RBM47: variants seen among roughly 807,000 people sequenced by gnomAD.
The protein encoded by RBM47 is RNA binding motif protein 47.
Under a neutral mutation model 47.1 loss-of-function variants are expected in RBM47, and 21 were observed. The observed-to-expected ratio is 0.45, with a 90% CI of 0.32 to 0.64. RBM47 has a LOEUF of 0.64. Ranked by LOEUF, RBM47 falls within the 30% of genes least tolerant of loss-of-function variation. RBM47 has a pLI of 0.05. For synonymous variants in RBM47, 375 were observed against 361.7 expected (o/e 1.04, Z -0.42); for missense variants, 708 against 870.9 (o/e 0.81, Z 2.35).
chr4:40,593,267 G>T (rs1012064497), intron 1 of RBM47, among the ~76,000 whole-genome samples: 1 of 150,612 alleles, frequency 6.6e-6, no homozygotes, highest in African/African-American at 2.4e-5. Context: ...CAAAGTGCTG[G>T]GATTACAGGC....
intron 1 of RBM47, among the ~76,000 whole-genome samples, chr4:40,593,486 T>G (rs918274032): frequency 3.9e-5 from 6 of 152,066 alleles, no homozygotes; most frequent in African/African-American, 1.2e-4. Context: ...TAGAAAATCA[T>G]TTTTCTCGGG....
At chr4:40,590,868 T>C (rs962764614) in intron 1 of RBM47, among the ~76,000 whole-genome samples, 6 of 152,172 alleles carry the variant, frequency 3.9e-5, no homozygotes, top group Non-Finnish European at 7.3e-5. Flanking sequence ...AGTGGTGCGA[T>C]CTTGGCTCGC....
intron 1 of RBM47, among the ~76,000 whole-genome samples, chr4:40,590,510 C>A (rs941609626): frequency 2.0e-5 from 3 of 152,196 alleles, no homozygotes; most frequent in African/African-American, 7.2e-5. Context: ...AACCTCTCAT[C>A]TTGGACCCCA....
At chr4:40,607,449 G>A (rs1037427353) in intron 1 of RBM47, among the ~76,000 whole-genome samples, 2 of 152,188 alleles carry the variant, frequency 1.3e-5, no homozygotes, top group African/African-American at 2.4e-5. Context: ...ATTCATGCCT[G>A]TAATCCCAGC....
intron 5 of RBM47, among the ~76,000 whole-genome samples, chr4:40,434,946 T>C (rs919908981): frequency 2.0e-4 from 31 of 151,910 alleles, no homozygotes; most frequent in Admixed American, 2.0e-3. Context: ...TGGAGGAGGG[T>C]CGTGCCAATT....
chr4:40,509,739 C>G (rs181223694), intron 2 of RBM47, among the ~76,000 whole-genome samples: 5,332 of 147,582 alleles, frequency 0.036, 114 homozygotes, highest in Non-Finnish European at 0.053. Context: ...AAAAAAAATT[C>G]TCCAGGCGTG....
At chr4:40,557,755 A>G (rs1394333454) in intron 1 of RBM47, among the ~76,000 whole-genome samples, 2 of 152,192 alleles carry the variant, frequency 1.3e-5, no homozygotes, top group African/African-American at 4.8e-5. Flanking sequence ...ACCTTAAAAA[A>G]AAAAATTGTT....
intron 3 of RBM47, among the ~76,000 whole-genome samples, chr4:40,460,632 G>A (rs997523769): frequency 6.6e-6 from 1 of 151,976 alleles, no homozygotes; most frequent in Non-Finnish European, 1.5e-5. Context: ...GTGAGATTGT[G>A]CCACTGCACT....
chr4:40,541,814 C>CA (rs1728574638), intron 2 of RBM47, among the ~76,000 whole-genome samples: 1 of 152,168 alleles, frequency 6.6e-6, no homozygotes, highest in Non-Finnish European at 1.5e-5. Context: ...CTCACACGTT[C>CA]AAAGCACAAG....
At chr4:40,608,071 C>T (rs1180646957) in intron 1 of RBM47, among the ~76,000 whole-genome samples, 1 of 151,706 alleles carries the variant, frequency 6.6e-6, no homozygotes, top group African/African-American at 2.4e-5. Flanking sequence ...CACTGCACTC[C>T]AGCCTGGGCA....
At chr4:40,592,776 C>T (rs546973115) in intron 1 of RBM47, among the ~76,000 whole-genome samples, 7 of 150,492 alleles carry the variant, frequency 4.7e-5, no homozygotes, top group African/African-American at 1.7e-4. Context: ...TCAGGCTGGT[C>T]TCAAACTCCT....
At chr4:40,436,759 T>A in intron 4 of RBM47, 112 bp from the exon 5 acceptor site, 1 of 1,002,884 alleles carries the variant, frequency 1.0e-6, no homozygotes, top group Non-Finnish European at 1.6e-6. Context: ...TGCAGGTGGC[T>A]ACACCTTTGC....
chr4:40,449,902 G>A (rs1035578428), intron 3 of RBM47, among the ~76,000 whole-genome samples: 10 of 151,904 alleles, frequency 6.6e-5, no homozygotes, highest in Admixed American at 3.3e-4. Context: ...GCCTGGTCTC[G>A]AACTCCTGGC....
intron 1 of RBM47, among the ~76,000 whole-genome samples, chr4:40,610,881 A>G (rs553284314): frequency 6.6e-6 from 1 of 152,066 alleles, no homozygotes. Context: ...TGCTGCTGCC[A>G]TGTAAGAAGT....
At chr4:40,447,911 C>T (rs1013172386) in intron 3 of RBM47, among the ~76,000 whole-genome samples, 3 of 151,984 alleles carry the variant, frequency 2.0e-5, no homozygotes, top group African/African-American at 4.8e-5. Context: ...CTCTGGAGGC[C>T]GAGGCAGGAG....
In RBM47 at chr4:40,423,588, AAT is replaced by A. The variant is rs1162208653; in HGVS notation, c.*2314_*2315del. ...CTGATACTTAATTGGCCATGTCACC[AAT>A]GTTTGTTTTTAAGGGAGTTTGGTGG... On this transcript the variant is annotated 3_prime_UTR_variant, in exon 7 of 7. Transcript: ENST00000295971. 1 of 151,936 alleles carries A rather than the reference AAT, an allele frequency of 6.6e-6. No homozygotes were observed. Among genetic ancestry groups the A allele is most frequent in the Non-Finnish European group, 1.5e-5 (1 of 67,980 alleles). 9.4% of individuals were successfully genotyped at this position (151,936 alleles called of 1,614,324 possible). A position where few individuals can be genotyped will look rare whatever the true frequency, so the allele number is the denominator to read the frequency against.
At chr4:40,460,269 T>C (rs1716914192) in intron 3 of RBM47, among the ~76,000 whole-genome samples, 2 of 152,000 alleles carry the variant, frequency 1.3e-5, no homozygotes, top group African/African-American at 4.8e-5. Flanking sequence ...TAGCTTCTGC[T>C]ATACTGTCTC....
intron 1 of RBM47, among the ~76,000 whole-genome samples, chr4:40,604,570 T>C (rs941368018): frequency 6.6e-6 from 1 of 152,080 alleles, no homozygotes; most frequent in African/African-American, 2.4e-5. Flanking sequence ...AAGGCTGCAG[T>C]GAGTGGTGAT....
chr4:40,438,849 G>T lies in RBM47; in HGVS notation c.45C>A (p.Ala15=). 1.3e-6 allele frequency: 2 copies of T among 1,559,346 alleles called. No homozygotes were observed. Among genetic ancestry groups the T allele is most frequent in the Non-Finnish European group, 1.7e-6 (2 of 1,158,466 alleles). ...DSTAAMSSDS[A]AGSSAKVPEG... ...CGGGCACCTTGGCGGAGGACCCGGCGGCCGAGTCACTGCTCATGGCTGCGG... is the reference window on the plus strand; with the variant it reads ...CGGGCACCTTGGCGGAGGACCCGGCTGCCGAGTCACTGCTCATGGCTGCGG... Residue 15 remains alanine, a synonymous_variant, in exon 4 of 7, where the codon GCC becomes GCA. Coordinates refer to ENST00000295971, the MANE Select transcript of RBM47 (RefSeq NM_001098634.2).
Sources: allele counts gnomAD v4.1 joint callset (sites outside exome capture counted in the v4.1 genomes callset), GRCh38; gene constraint gnomAD v4.1.1; transcripts MANE v1.5; gene names NCBI Gene and HGNC (gene_info 2026-07-23, HGNC 2026-07-21).